Variants in CNGB3 observed in about 807,000 individuals in gnomAD.
The protein encoded by CNGB3 is cyclic nucleotide-gated channel beta-3.
A neutral mutation model predicts 92.8 loss-of-function variants in CNGB3; 86 were observed. The observed-to-expected ratio is 0.93, with a 90% confidence interval of 0.78 to 1.11. CNGB3 has a LOEUF of 1.11. Ranked by LOEUF, CNGB3 falls within the 50% of genes least tolerant of loss-of-function variation. CNGB3 has a pLI of 0.00. For synonymous variants in CNGB3, 333 were observed against 332.7 expected (o/e 1.00, Z -0.01); for missense variants, 1,026 against 956.8 (o/e 1.07, Z -0.95).
intron 1 of CNGB3, among the ~76,000 whole-genome samples, chr8:86,742,020 G>A (rs1825351966): frequency 6.6e-6 from 1 of 152,202 alleles, no homozygotes; most frequent in African/African-American, 2.4e-5. Flanking sequence ...TGCTAGCTAT[G>A]TGTAAGGAGC....
intron 6 of CNGB3, among the ~76,000 whole-genome samples, chr8:86,663,564 C>T (rs1412728965): frequency 6.6e-6 from 1 of 152,164 alleles, no homozygotes; most frequent in East Asian, 1.9e-4. Context: ...AGTTATGGTG[C>T]ATTTATTTAA....
intron 13 of CNGB3, among the ~76,000 whole-genome samples, chr8:86,621,889 C>A (rs1349104413): frequency 2.0e-5 from 3 of 152,106 alleles, no homozygotes; most frequent in African/African-American, 7.2e-5. Flanking sequence ...ATGGTGAAAC[C>A]CTGTCTCTGC....
chr8:86,696,353 C>T (rs1824450506), intron 3 of CNGB3, among the ~76,000 whole-genome samples: 1 of 152,072 alleles, frequency 6.6e-6, no homozygotes, highest in African/African-American at 2.4e-5. Context: ...CTGAGTTGGC[C>T]AGGATGAGTA....
chr8:86,628,034 C>A (rs945575744), intron 12 of CNGB3, among the ~76,000 whole-genome samples: 2 of 152,190 alleles, frequency 1.3e-5, no homozygotes, highest in East Asian at 1.9e-4. Flanking sequence ...ATAACATTTT[C>A]TTTTCTCTAG....
At chr8:86,680,839 G>A (rs138002152) in intron 3 of CNGB3, among the ~76,000 whole-genome samples, 2 of 152,042 alleles carry the variant, frequency 1.3e-5, no homozygotes, top group Non-Finnish European at 2.9e-5. Flanking sequence ...TCTTCCCCAG[G>A]TGTAGGCAAT....
intron 3 of CNGB3, among the ~76,000 whole-genome samples, chr8:86,691,035 A>C (rs1254554618): frequency 6.6e-6 from 1 of 152,138 alleles, no homozygotes; most frequent in Non-Finnish European, 1.5e-5. Flanking sequence ...TTGACTTGGC[A>C]ATGCAGGCTC....
intron 7 of CNGB3, among the ~76,000 whole-genome samples, chr8:86,651,743 T>A (rs185233557): frequency 6.6e-6 from 1 of 152,006 alleles, no homozygotes; most frequent in African/African-American, 2.4e-5. Flanking sequence ...GAAAATTGAA[T>A]TGAAGTATTG....
Position 86,743,585 on chromosome 8 carries a change from C to CTA in CNGB3, c.41_42dup (p.Gly15Ter), listed in dbSNP as rs2131687580. 1 of 1,613,998 alleles carries CTA rather than the reference C, an allele frequency of 6.2e-7. No individual in the cohort carries two copies. The highest frequency in any genetic ancestry group is 1.6e-4 in the Middle Eastern group (1 of 6,062). ...CTTTGTTCATTCTCATTGTTCTCTC[C>CTA]TATAGGCTTCACCTTGTTGACTTTT... On this transcript the variant is annotated frameshift_variant, in exon 1 of 18. Transcript: ENST00000320005. LOFTEE classifies it high-confidence loss of function.
chr8:86,714,349 C>G (rs1466410316), intron 3 of CNGB3, among the ~76,000 whole-genome samples: 1 of 152,132 alleles, frequency 6.6e-6, no homozygotes, highest in Non-Finnish European at 1.5e-5. Flanking sequence ...GGCTGGAGTG[C>G]AGTGGTGCAA....
chr8:86,672,784 T>C (rs545765726), intron 3 of CNGB3, among the ~76,000 whole-genome samples: 8 of 152,340 alleles, frequency 5.3e-5, no homozygotes, highest in South Asian at 4.1e-4. Flanking sequence ...TTTTCTCTCT[T>C]ACCTTCTTAT....
chr8:86,635,865 C>CATATATATATAT (rs1449555020), intron 10 of CNGB3, among the ~76,000 whole-genome samples: 22 of 61,476 alleles, frequency 3.6e-4, no homozygotes, highest in Non-Finnish European at 6.4e-4. Flanking sequence ...TATATATATA[C>CATATATATATAT]ACATACACAT....
chr8:86,640,608 T>C (rs1175999151), intron 10 of CNGB3, among the ~76,000 whole-genome samples: 1 of 152,058 alleles, frequency 6.6e-6, no homozygotes, highest in Non-Finnish European at 1.5e-5. Context: ...TTTGCTCAGC[T>C]CATCAGAACA....
chr8:86,716,403 T>A (rs1048298082), intron 3 of CNGB3, among the ~76,000 whole-genome samples: 11 of 152,128 alleles, frequency 7.2e-5, no homozygotes, highest in African/African-American at 2.7e-4. Flanking sequence ...AAAAATATCA[T>A]CGCCTAGCAC....
chr8:86,696,288 G>A (rs573605023), intron 3 of CNGB3, among the ~76,000 whole-genome samples: 3 of 152,276 alleles, frequency 2.0e-5, no homozygotes, highest in African/African-American at 4.8e-5. Flanking sequence ...CTGTCAGGAG[G>A]TGGTGCTTCC....
At chr8:86,688,065 G>A (rs1313076363) in intron 3 of CNGB3, among the ~76,000 whole-genome samples, 2 of 151,926 alleles carry the variant, frequency 1.3e-5, no homozygotes, top group Non-Finnish European at 2.9e-5. Context: ...AAGGTGTATG[G>A]GTTTAAGAAA....
At chr8:86,594,444 T>C in intron 15 of CNGB3, 1 of 289,752 alleles carries the variant, frequency 3.5e-6, no homozygotes, top group South Asian at 3.1e-5. Context: ...TGGTGCATGT[T>C]CATGAGCTTG....
intron 2 of CNGB3, among the ~76,000 whole-genome samples, chr8:86,735,590 C>T (rs547387710): frequency 6.6e-6 from 1 of 152,198 alleles, no homozygotes; most frequent in South Asian, 2.1e-4. Context: ...GAGGTCACAG[C>T]ACTCCTTGGG....
intron 15 of CNGB3, among the ~76,000 whole-genome samples, chr8:86,592,768 T>C (rs1173639951): frequency 1.3e-5 from 2 of 152,236 alleles, no homozygotes; most frequent in African/African-American, 4.8e-5. Flanking sequence ...GAGTAAGGGA[T>C]TAAAACTCCA....
chr8:86,595,925 G>T (rs1008268651), intron 15 of CNGB3, among the ~76,000 whole-genome samples: 1 of 152,098 alleles, frequency 6.6e-6, no homozygotes, highest in Non-Finnish European at 1.5e-5. Flanking sequence ...TCTCAAATAG[G>T]TGATTTGACT....
Sources: allele counts gnomAD v4.1 joint callset (sites outside exome capture counted in the v4.1 genomes callset), GRCh38; gene constraint gnomAD v4.1.1; transcripts MANE v1.5; gene names NCBI Gene and HGNC (gene_info 2026-07-23, HGNC 2026-07-21).